IRAG2: variants seen among roughly 807,000 people sequenced by gnomAD.
IRAG2 encodes the protein lymphoid restricted membrane protein.
IRAG2 carries 45 observed loss-of-function variants against 69.9 expected under a neutral mutation model. The observed-to-expected ratio is 0.64, with a 90% CI of 0.51 to 0.83. The LOEUF (loss-of-function observed/expected upper bound fraction) is 0.83, where lower values mean the gene tolerates loss of function less well. IRAG2 is among the 40% of genes least tolerant of loss of function. The pLI is 0.00. For synonymous variants in IRAG2, 193 were observed against 202.4 expected, an observed-to-expected ratio of 0.95 and a Z score of 0.40; for missense variants, 520 against 587.0, an observed-to-expected ratio of 0.89 and a Z score of 1.18.
intron 13 of IRAG2, among the ~76,000 whole-genome samples, chr12:25,035,203 ATGAC>A (rs1944693779): frequency 6.6e-6 from 1 of 152,208 alleles, no homozygotes; most frequent in African/African-American, 2.4e-5. Flanking sequence ...TATTTAAAAT[ATGAC>A]AGGAGGCAGA....
intron 6 of IRAG2, among the ~76,000 whole-genome samples, chr12:25,069,907 T>C (rs888530917): frequency 2.0e-5 from 3 of 152,162 alleles, no homozygotes; most frequent in African/African-American, 7.2e-5. Flanking sequence ...TAGGTGCTAA[T>C]GCCACTTTTC....
intron 9 of IRAG2, among the ~76,000 whole-genome samples, chr12:25,028,468 A>G (rs949955416): frequency 3.9e-5 from 6 of 152,136 alleles, no homozygotes; most frequent in Admixed American, 6.5e-5. Context: ...TTTGTAGTTT[A>G]CCAACCTCAA....
chr12:25,073,669 G>GAA (rs1946474504), intron 6 of IRAG2, among the ~76,000 whole-genome samples: 2 of 152,176 alleles, frequency 1.3e-5, no homozygotes, highest in Non-Finnish European at 2.9e-5. Context: ...TTGGAGCCCT[G>GAA]TTTGGGACAT....
chr12:25,087,587 C>T (rs965576009), intron 10 of IRAG2, among the ~76,000 whole-genome samples: 2 of 152,212 alleles, frequency 1.3e-5, no homozygotes, highest in South Asian at 2.1e-4. Context: ...GCCCTTTTTG[C>T]TTCAACTAGA....
At chr12:25,042,622 T>C (rs1032808645) in intron 16 of IRAG2, among the ~76,000 whole-genome samples, 3 of 152,074 alleles carry the variant, frequency 2.0e-5, no homozygotes, top group African/African-American at 7.2e-5. Flanking sequence ...CGTGCCACCA[T>C]GCCCAGCTAA....
At chr12:24,999,330 C>T in the IRAG2 span, among the ~76,000 whole-genome samples, 1 of 152,080 alleles carries the variant, frequency 6.6e-6, no homozygotes, top group Non-Finnish European at 1.5e-5. Flanking sequence ...ACAGATGTTG[C>T]CATGTGTTAG....
intron 6 of IRAG2, among the ~76,000 whole-genome samples, chr12:25,077,116 A>G (rs573968148): frequency 9.2e-4 from 133 of 144,904 alleles, no homozygotes; most frequent in African/African-American, 3.1e-3. Flanking sequence ...CAGTCCTTCC[A>G]CTGCAGCCTT....
chr12:25,001,584 A>G (rs945476103), upstream of IRAG2, among the ~76,000 whole-genome samples: 1 of 152,204 alleles, frequency 6.6e-6, no homozygotes, highest in Non-Finnish European at 1.5e-5. Flanking sequence ...ACTGTTTGTT[A>G]TGGCTTGAAC....
chr12:25,028,164 A>G (rs1944639279), intron 9 of IRAG2, among the ~76,000 whole-genome samples: 1 of 152,148 alleles, frequency 6.6e-6, no homozygotes, highest in Non-Finnish European at 1.5e-5. Flanking sequence ...ACCTCAAGTG[A>G]TCTGCCCGCC....
chr12:25,056,962 C>T (rs1171567392), intron 1 of IRAG2, among the ~76,000 whole-genome samples: 1 of 152,182 alleles, frequency 6.6e-6, no homozygotes, highest in Non-Finnish European at 1.5e-5. Context: ...CCTTGTAGAG[C>T]CCTGGTCTGT....
At chr12:25,048,286 C>T (rs149450296), upstream of IRAG2, among the ~76,000 whole-genome samples, 2,041 of 151,882 alleles carry the variant, frequency 0.013, 44 homozygotes, top group African/African-American at 0.047. Flanking sequence ...TGTCCTTTGC[C>T]CACTTTTTAT....
intron 3 of IRAG2, among the ~76,000 whole-genome samples, chr12:25,063,186 C>T (rs892956204): frequency 6.6e-5 from 10 of 152,148 alleles, no homozygotes; most frequent in South Asian, 2.1e-4. Flanking sequence ...CCTCAGCCTC[C>T]GGAGTAGCTG....
chr12:25,003,378 C>T (rs1176802826), upstream of IRAG2, among the ~76,000 whole-genome samples: 1 of 151,962 alleles, frequency 6.6e-6, no homozygotes, highest in Non-Finnish European at 1.5e-5. Flanking sequence ...TCCATCCATC[C>T]CTCTGTTGCC....
chr12:25,101,423 G>C, intron 16 of IRAG2, 98 bp downstream of exon 16: 2 of 792,218 alleles, frequency 2.5e-6, no homozygotes, highest in East Asian at 3.1e-5. Context: ...AAAACTCTTA[G>C]GTTAACTTTA....
intron 10 of IRAG2, chr12:25,030,883 C>CA: frequency 8.5e-6 from 2 of 234,284 alleles, no homozygotes; most frequent in Non-Finnish European, 1.4e-5. Flanking sequence ...AGTCTGCAGC[C>CA]ATTCATTTTA....
At chr12:25,031,807 C>T (rs991933468) in intron 10 of IRAG2, among the ~76,000 whole-genome samples, 11 of 152,158 alleles carry the variant, frequency 7.2e-5, no homozygotes, top group Non-Finnish European at 1.6e-4. Flanking sequence ...GGATTACAGG[C>T]ATGCGCCACC....
At chr12:25,098,802 C>T (rs997338302) in intron 15 of IRAG2, among the ~76,000 whole-genome samples, 6 of 152,148 alleles carry the variant, frequency 3.9e-5, no homozygotes, top group South Asian at 2.1e-4. Flanking sequence ...CCTCCTCCCA[C>T]GTTCTCTCCA....
chr12:25,088,249 T>A, intron 11 of IRAG2, 92 bp downstream of exon 11: 1 of 1,011,446 alleles, frequency 9.9e-7, no homozygotes, highest in African/African-American at 1.6e-5. Context: ...CTATGTCACT[T>A]ACAAATTCTG....
At chr12:25,026,469 G>T (rs1358461312) in intron 8 of IRAG2, among the ~76,000 whole-genome samples, 1 of 152,142 alleles carries the variant, frequency 6.6e-6, no homozygotes, top group Non-Finnish European at 1.5e-5. Context: ...AAGGTTGAAG[G>T]ATAATGAAAA....
Sources: gnomAD v4.1 joint callset for allele counts (sites outside exome capture counted in the v4.1 genomes callset) on GRCh38, gnomAD v4.1.1 for gene constraint, MANE v1.5 for transcripts, NCBI Gene and HGNC (gene_info 2026-07-23, HGNC 2026-07-21) for gene names.